Variants in CDYL2 observed in about 807,000 individuals in gnomAD.
CDYL2 encodes chromodomain Y-like protein 2.
In CDYL2, 23 loss-of-function variants were observed where a neutral mutation model predicts 49.4. The observed-to-expected ratio is 0.47, with a 90% CI of 0.34 to 0.66. The LOEUF (loss-of-function observed/expected upper bound fraction) is 0.66, where lower values mean the gene tolerates loss of function less well. Among genes scored for constraint, CDYL2 ranks in the 30% least tolerant of loss-of-function variants. The pLI is 0.01. For synonymous variants in CDYL2, 360 were observed against 268.8 expected, an observed-to-expected ratio of 1.34 and a Z score of -3.32; for missense variants, 678 against 656.4, an observed-to-expected ratio of 1.03 and a Z score of -0.36.
chr16:80,747,398 T>A (rs897135033), intron 1 of CDYL2, among the ~76,000 whole-genome samples: 29 of 152,222 alleles, frequency 1.9e-4, no homozygotes, highest in Admixed American at 1.8e-3. Context: ...CTATACCTCA[T>A]AGGGTTAGGG....
At chr16:80,776,080 A>G (rs1907073234) in intron 1 of CDYL2, among the ~76,000 whole-genome samples, 1 of 152,040 alleles carries the variant, frequency 6.6e-6, no homozygotes, top group Admixed American at 6.5e-5. Context: ...TTGATTATAC[A>G]GCAATTTAAA....
intron 1 of CDYL2, among the ~76,000 whole-genome samples, chr16:80,739,057 T>C (rs1905641552): frequency 6.6e-6 from 1 of 152,226 alleles, no homozygotes; most frequent in South Asian, 2.1e-4. Context: ...ACACACACAA[T>C]GGAGTATAGT....
intron 1 of CDYL2, among the ~76,000 whole-genome samples, chr16:80,707,972 A>G (rs1904462988): frequency 6.6e-6 from 1 of 152,166 alleles, no homozygotes; most frequent in South Asian, 2.1e-4. Flanking sequence ...AAGTTTATCC[A>G]GAAAGAAAGG....
intron 2 of CDYL2, among the ~76,000 whole-genome samples, chr16:80,663,263 C>T (rs1217487982): frequency 6.6e-6 from 1 of 151,258 alleles, no homozygotes; most frequent in Non-Finnish European, 1.5e-5. Flanking sequence ...CACTTCCGGT[C>T]ATCAATCATG....
chr16:80,712,949 G>C (rs1296168276), intron 1 of CDYL2, among the ~76,000 whole-genome samples: 1 of 152,146 alleles, frequency 6.6e-6, no homozygotes, highest in African/African-American at 2.4e-5. Context: ...CAACAGAAGG[G>C]ACAAGAGGAA....
chr16:80,655,551 C>T (rs916325802), intron 2 of CDYL2, among the ~76,000 whole-genome samples: 2 of 152,260 alleles, frequency 1.3e-5, no homozygotes, highest in Middle Eastern at 3.4e-3. Context: ...TTTCCATTAG[C>T]GCAACAGGGT....
intron 2 of CDYL2, among the ~76,000 whole-genome samples, chr16:80,637,650 G>A (rs9939967): frequency 0.061 from 8,999 of 146,874 alleles, 814 homozygotes; most frequent in African/African-American, 0.22. Context: ...ACTGGAACTT[G>A]ATGTTTTTTA....
chr16:80,790,656 T>C (rs1051036137), intron 1 of CDYL2, among the ~76,000 whole-genome samples: 1 of 152,208 alleles, frequency 6.6e-6, no homozygotes, highest in Non-Finnish European at 1.5e-5. Flanking sequence ...GTGCTTTGGA[T>C]TCTATTACTT....
At chr16:80,786,241 T>A (rs1430584629) in intron 1 of CDYL2, among the ~76,000 whole-genome samples, 1 of 152,116 alleles carries the variant, frequency 6.6e-6, no homozygotes, top group Non-Finnish European at 1.5e-5. Flanking sequence ...ATCCAGAATC[T>A]ACAAAGAACT....
At chr16:80,613,875 G>C (rs1329278046) in intron 4 of CDYL2, among the ~76,000 whole-genome samples, 1 of 152,166 alleles carries the variant, frequency 6.6e-6, no homozygotes, top group Non-Finnish European at 1.5e-5. Context: ...GTCTGACCTT[G>C]GCCTGACCTT....
intron 1 of CDYL2, among the ~76,000 whole-genome samples, chr16:80,723,983 GAAGC>G (rs1905084887): frequency 7.0e-6 from 1 of 141,912 alleles, no homozygotes; most frequent in African/African-American, 2.8e-5. Flanking sequence ...GAGAGAGGAA[GAAGC>G]AAGGAGAGAA....
chr16:80,790,752 A>AG (rs1470583317), intron 1 of CDYL2, among the ~76,000 whole-genome samples: 12 of 152,300 alleles, frequency 7.9e-5, no homozygotes, highest in Admixed American at 1.3e-4. Flanking sequence ...TCAGTCAGTC[A>AG]GGGGGGTAGG....
intron 1 of CDYL2, among the ~76,000 whole-genome samples, chr16:80,722,705 C>A (rs1208125700): frequency 1.3e-5 from 2 of 152,226 alleles, no homozygotes; most frequent in Non-Finnish European, 2.9e-5. Context: ...CACACTGACT[C>A]TCCAAGATAC....
chr16:80,794,598 A>ATTTTT (rs966789395), intron 1 of CDYL2, among the ~76,000 whole-genome samples: 15 of 66,866 alleles, frequency 2.2e-4, no homozygotes, highest in Non-Finnish European at 4.2e-4. Context: ...ATTCCCAGTG[A>ATTTTT]TTTTTTTTTT....
intron 1 of CDYL2, among the ~76,000 whole-genome samples, chr16:80,720,011 C>A (rs977979248): frequency 2.0e-5 from 3 of 152,240 alleles, no homozygotes; most frequent in Non-Finnish European, 2.9e-5. Context: ...CATTTCCCAA[C>A]AGTGTCCCCT....
At chr16:80,639,286 G>A (rs898410033) in intron 2 of CDYL2, among the ~76,000 whole-genome samples, 1 of 152,160 alleles carries the variant, frequency 6.6e-6, no homozygotes, top group Non-Finnish European at 1.5e-5. Context: ...TTGTAAGACA[G>A]TTTTGTCTTT....
chr16:80,734,862 T>G (rs1905461908), intron 1 of CDYL2, among the ~76,000 whole-genome samples: 1 of 152,198 alleles, frequency 6.6e-6, no homozygotes, highest in Non-Finnish European at 1.5e-5. Flanking sequence ...ATAATGGACC[T>G]GCCACCACGA....
chr16:80,632,075 C>T (rs1022715281), intron 3 of CDYL2, among the ~76,000 whole-genome samples: 1 of 151,984 alleles, frequency 6.6e-6, no homozygotes, highest in Non-Finnish European at 1.5e-5. Flanking sequence ...GAAATATATC[C>T]AAGAAACCTG....
intron 1 of CDYL2, among the ~76,000 whole-genome samples, chr16:80,717,154 G>A (rs1349719577): frequency 7.8e-6 from 1 of 127,514 alleles, no homozygotes; most frequent in Admixed American, 7.9e-5. Flanking sequence ...TCGATAGATG[G>A]ATGGATGGAT....
Sources: gnomAD v4.1 joint callset for allele counts (sites outside exome capture counted in the v4.1 genomes callset) on GRCh38, gnomAD v4.1.1 for gene constraint, MANE v1.5 for transcripts, NCBI Gene and HGNC (gene_info 2026-07-23, HGNC 2026-07-21) for gene names.